Variants in DPP10 observed in about 807,000 individuals in gnomAD.
DPP10 encodes dipeptidyl peptidase like 10.
In DPP10, 33 loss-of-function variants were observed where a neutral mutation model predicts 120.9. That is an observed-to-expected ratio of 0.27 (90% CI 0.21 to 0.37). The LOEUF (loss-of-function observed/expected upper bound fraction) is 0.37. Ranked by LOEUF, DPP10 falls within the 10% of genes least tolerant of loss-of-function variation. DPP10 has a pLI of 1.00. For synonymous variants in DPP10, 337 were observed against 326.1 expected, an observed-to-expected ratio of 1.03 and a Z score of -0.36; for missense variants, 816 against 942.8, an observed-to-expected ratio of 0.87 and a Z score of 1.76.
chr2:115,634,166 A>G (rs567394463), intron 5 of DPP10, among the ~76,000 whole-genome samples: 1 of 152,214 alleles, frequency 6.6e-6, no homozygotes, highest in South Asian at 2.1e-4. Flanking sequence ...TAAACTGGTT[A>G]TTCTGTTTAA....
intron 5 of DPP10, among the ~76,000 whole-genome samples, chr2:115,605,224 T>A (rs1172009148): frequency 6.6e-6 from 1 of 152,082 alleles, no homozygotes; most frequent in Admixed American, 6.5e-5. Flanking sequence ...GTCACAAGGG[T>A]TATATAATTT....
rs186319082 is a variant in DPP10 at position 115,793,157 on chromosome 2, G to T, written c.1700+1801G>T. On this transcript the variant is annotated intron_variant, in intron 19 of 25. Transcript: ENST00000410059. ...ACCAATTTGAAGACTTCTCTTATTG[G>T]CAAGGGGCACTTGGGGTTTTTTTTG... Among the ~76,000 whole-genome samples the T allele has an allele frequency of 1.6e-3, 239 of 152,246 alleles. 1 individual carries two copies. Among genetic ancestry groups the T allele is most frequent in the Non-Finnish European group, 2.8e-3 (188 of 68,008 alleles).
At chr2:115,356,811 G>A (rs1200950709) in intron 3 of DPP10, among the ~76,000 whole-genome samples, 5 of 152,184 alleles carry the variant, frequency 3.3e-5, no homozygotes, top group Non-Finnish European at 7.4e-5. Flanking sequence ...CTTTGCTATT[G>A]TAAAGGGTGC....
chr2:115,456,279 A>C (rs778602788), intron 3 of DPP10, among the ~76,000 whole-genome samples: 1 of 152,196 alleles, frequency 6.6e-6, no homozygotes, highest in African/African-American at 2.4e-5. Context: ...CACGCCAGTT[A>C]GAATGGCAAT....
intron 1 of DPP10, among the ~76,000 whole-genome samples, chr2:114,445,570 G>GTA: frequency 6.8e-6 from 1 of 146,800 alleles, no homozygotes; most frequent in South Asian, 2.1e-4. Flanking sequence ...GTGTGTGTGT[G>GTA]TGTGTGTGTG....
At position 115,260,776 on chromosome 2, in the gene DPP10, T is replaced by C. The variant is rs371330449; in HGVS notation, c.61-48463T>C. Among the ~76,000 whole-genome samples the C allele has an allele frequency of 3.5e-4, 54 of 152,324 alleles. No individual in the cohort carries two copies. In the South Asian group the frequency reaches 0.011, roughly 31 times the overall value. ...TTCTTAAATAGGTTTTAATTGGAAGTGTTCTTTTGAGAAATGGAACTAAAA... is the reference window on the plus strand; with the variant it reads ...TTCTTAAATAGGTTTTAATTGGAAGCGTTCTTTTGAGAAATGGAACTAAAA... On this transcript the variant is annotated intron_variant, in intron 1 of 25. Coordinates refer to ENST00000410059, the MANE Select transcript of DPP10 (RefSeq NM_020868.6).
intron 1 of DPP10, among the ~76,000 whole-genome samples, chr2:114,816,592 T>G (rs1362836838): frequency 6.6e-6 from 1 of 152,210 alleles, no homozygotes; most frequent in African/African-American, 2.4e-5. Flanking sequence ...TATTGTTTTC[T>G]TATTATTTAT....
intron 1 of DPP10, among the ~76,000 whole-genome samples, chr2:114,983,931 C>T (rs979502237): frequency 6.6e-6 from 1 of 152,188 alleles, no homozygotes. Context: ...TATTCTGGCT[C>T]CAGAGCCCAT....
At chr2:115,632,913 T>C (rs80093648) in intron 5 of DPP10, among the ~76,000 whole-genome samples, 1 of 152,164 alleles carries the variant, frequency 6.6e-6, no homozygotes, top group African/African-American at 2.4e-5. Flanking sequence ...ATGGCAGTCA[T>C]TAAAAAGTCA....
At chr2:115,227,914 CTTTT>C in intron 1 of DPP10, among the ~76,000 whole-genome samples, 1 of 106,394 alleles carries the variant, frequency 9.4e-6, no homozygotes, top group Non-Finnish European at 1.8e-5. Context: ...CATCCGATTT[CTTTT>C]TTTTCCTTTT....
chr2:115,735,290 A>G (rs569312574), intron 8 of DPP10, among the ~76,000 whole-genome samples: 28 of 152,274 alleles, frequency 1.8e-4, no homozygotes, highest in Admixed American at 1.0e-3. Flanking sequence ...TATATCTGAA[A>G]TCTGTAAACA....
Position 115,492,654 on chromosome 2 carries a change from T to A in DPP10, c.272-6856T>A, listed in dbSNP as rs2076185030. On this transcript the variant is annotated intron_variant, in intron 3 of 25. Transcript: ENST00000410059. ...AATTTCCTGAAATATTAAAGTCATATCAATGCAGACAGTTGAATAGCAAAT... is the reference window on the plus strand; with the variant it reads ...AATTTCCTGAAATATTAAAGTCATAACAATGCAGACAGTTGAATAGCAAAT... Among the ~76,000 whole-genome samples, 3 of 152,162 alleles carry A rather than the reference T, an allele frequency of 2.0e-5. 1 individual carries two copies. The highest frequency in any genetic ancestry group is 2.0e-4 in the Admixed American group (3 of 15,268).
chr2:114,942,516 G>T (rs1402295650), intron 1 of DPP10, among the ~76,000 whole-genome samples: 2 of 149,804 alleles, frequency 1.3e-5, no homozygotes, highest in Non-Finnish European at 3.0e-5. Context: ...TTGTGGCCAG[G>T]AAGAATAAGT....
chr2:115,315,854 T>C (rs2061767755), intron 2 of DPP10, among the ~76,000 whole-genome samples: 2 of 152,258 alleles, frequency 1.3e-5, no homozygotes, highest in Admixed American at 1.3e-4. Context: ...ATATGGATTG[T>C]TGTTGCTTTT....
At chr2:115,337,181 T>G (rs971291498) in intron 2 of DPP10, among the ~76,000 whole-genome samples, 7 of 151,608 alleles carry the variant, frequency 4.6e-5, no homozygotes, top group African/African-American at 1.7e-4. Flanking sequence ...TAGTGAATGC[T>G]GTGACATTTC....
chr2:115,776,108 G>A (rs942067858), intron 13 of DPP10, among the ~76,000 whole-genome samples: 1 of 152,076 alleles, frequency 6.6e-6, no homozygotes, highest in African/African-American at 2.4e-5. Flanking sequence ...GAGTGAAGTA[G>A]CTTGAGTATA....
rs189375913 is a variant in DPP10, at chr2:115,641,144, C to G, written c.442-48543C>G. On this transcript the variant is annotated intron_variant, in intron 5 of 25. Transcript: ENST00000410059. The stretch of plus-strand genomic sequence containing the variant: ...AAATCCAGCGGCTGCTCTTCACCCT[C>G]TCTCCTAGCCCAAGCCATCATTTCT... Among the ~76,000 whole-genome samples the G allele has an allele frequency of 3.7e-3, 570 of 152,324 alleles. 6 individuals carry two copies. The highest frequency in any genetic ancestry group is 0.014 in the Middle Eastern group (4 of 294).
At position 115,564,217 on chromosome 2, in the gene DPP10, G is replaced by C. The variant is rs1179636465; in HGVS notation, c.441+38245G>C. On this transcript the variant is annotated intron_variant, in intron 5 of 25. Transcript: ENST00000410059. ...TGAGGTCTCTAATTATTTTTTCACT[G>C]AAATTTGATCATGTCTTTTTTTTTT... 7.5e-5 allele frequency among the ~76,000 whole-genome samples: 11 copies of C among 146,498 alleles called. No individual in the cohort carries two copies. The East Asian group carries it at 2.2e-3, about 29-fold the overall frequency.
At chr2:115,287,624 C>G (rs898960468) in intron 1 of DPP10, among the ~76,000 whole-genome samples, 1 of 152,080 alleles carries the variant, frequency 6.6e-6, no homozygotes, top group Non-Finnish European at 1.5e-5. Context: ...AGACATTATT[C>G]CACTCATTTT....
Sources: gnomAD v4.1 joint callset for allele counts (sites outside exome capture counted in the v4.1 genomes callset) on GRCh38, gnomAD v4.1.1 for gene constraint, MANE v1.5 for transcripts, NCBI Gene and HGNC (gene_info 2026-07-23, HGNC 2026-07-21) for gene names.